The following PCDHA3 variants were observed in gnomAD, a reference collection of about 807,000 sequenced individuals.
PCDHA3 encodes the protein protocadherin alpha 3.
In PCDHA3, 41 loss-of-function variants were observed where a neutral mutation model predicts 62.2. That is an observed-to-expected ratio of 0.66 (90% CI 0.51 to 0.86). The LOEUF (loss-of-function observed/expected upper bound fraction) is 0.86, where lower values mean the gene tolerates loss of function less well. PCDHA3 is among the 40% of genes least tolerant of loss of function. The probability of loss-of-function intolerance (pLI) is 0.00; values close to 1 mark genes in which losing one functional copy is unlikely to be tolerated. For synonymous variants in PCDHA3, 640 were observed against 555.4 expected (o/e 1.15, Z -2.14); for missense variants, 1,304 against 1,241.2 (o/e 1.05, Z -0.76).
chr5:140,958,035 T>G (rs1284725890), intron 1 of PCDHA3, among the ~76,000 whole-genome samples: 2 of 152,120 alleles, frequency 1.3e-5, no homozygotes, highest in African/African-American at 4.8e-5. Context: ...ATGCTTTCTT[T>G]GCTTGTGATA....
intron 1 of PCDHA3, chr5:140,868,276 C>T (rs2050375719): frequency 6.6e-6 from 1 of 151,768 alleles, no homozygotes; most frequent in African/African-American, 2.4e-5. Flanking sequence ...TTTAAAACTA[C>T]CAAGTTTGAG....
At chr5:140,857,733 C>T (rs2044837813) in intron 1 of PCDHA3, 1 of 1,597,494 alleles carries the variant, frequency 6.3e-7, no homozygotes, top group Non-Finnish European at 8.6e-7. Flanking sequence ...GACAACGCTC[C>T]CGCGCTGCTG....
chr5:140,870,080 C>T (rs2051640102), intron 1 of PCDHA3: 1 of 1,613,722 alleles, frequency 6.2e-7, no homozygotes, highest in Non-Finnish European at 8.5e-7. Flanking sequence ...GATAAGGGGA[C>T]TCCCCCAATG....
intron 1 of PCDHA3, chr5:140,882,865 A>G (rs1554175879): frequency 6.2e-7 from 1 of 1,614,248 alleles, no homozygotes; most frequent in Non-Finnish European, 8.5e-7. Context: ...TGAGGAAAAC[A>G]CTGGACAGAG....
At chr5:140,887,125 C>G (rs1391575318) in intron 1 of PCDHA3, among the ~76,000 whole-genome samples, 3 of 150,080 alleles carry the variant, frequency 2.0e-5, no homozygotes. Context: ...GAGACGGAGT[C>G]TCACTCTGTC....
intron 1 of PCDHA3, among the ~76,000 whole-genome samples, chr5:140,935,909 T>C (rs1452831803): frequency 6.6e-6 from 1 of 151,600 alleles, no homozygotes; most frequent in African/African-American, 2.4e-5. Flanking sequence ...TTTTTTTTTT[T>C]TGAGACAGAT....
At chr5:140,968,256 A>G (rs782309414) in intron 1 of PCDHA3, 2 of 1,614,006 alleles carry the variant, frequency 1.2e-6, no homozygotes, top group East Asian at 4.5e-5. Flanking sequence ...ACAGACCCAG[A>G]TGAAAAGGAG....
At chr5:140,851,779 T>A in intron 1 of PCDHA3, 1 of 965,446 alleles carries the variant, frequency 1.0e-6, no homozygotes, top group South Asian at 4.8e-5. Flanking sequence ...TGAATTTAGA[T>A]GAGAATTCAC....
chr5:140,881,127 A>G (rs1274793505), intron 1 of PCDHA3, among the ~76,000 whole-genome samples: 1 of 152,234 alleles, frequency 6.6e-6, no homozygotes, highest in Non-Finnish European at 1.5e-5. Context: ...GTGGCTTGGT[A>G]GAGATAGTTA....
rs546510910 is a variant in PCDHA3, at chr5:140,894,996, C to G, written c.2395-83953C>G. ...GTCTTACTTTGTGACATCCTTTACC[C>G]TTTTTACTTGGACCTTTTTCCTTTG... is the stretch of plus-strand genomic sequence containing the variant. On this transcript the variant is annotated intron_variant, in intron 1 of 3. Transcript: ENST00000522353. Among the ~76,000 whole-genome samples, 5 of 152,204 alleles carry G rather than the reference C, an allele frequency of 3.3e-5. No homozygotes were observed. The East Asian group carries it at 9.6e-4, about 29-fold the overall frequency.
At chr5:140,832,176 A>G (rs1421267980) in intron 1 of PCDHA3, among the ~76,000 whole-genome samples, 1 of 152,234 alleles carries the variant, frequency 6.6e-6, no homozygotes, top group African/African-American at 2.4e-5. Flanking sequence ...AGTTTTATGA[A>G]TTCAAAAGAC....
intron 1 of PCDHA3, chr5:140,882,955 C>G (rs1554176243): frequency 6.2e-7 from 1 of 1,614,178 alleles, no homozygotes; most frequent in Admixed American, 1.7e-5. Context: ...TTCAGCTGCT[C>G]ATCACGATTC....
At position 140,842,945 on chromosome 5, in the gene PCDHA3, G is replaced by T. The variant is rs2150348444; in HGVS notation, c.2394+39354G>T. The T allele has an allele frequency of 7.5e-6, 12 of 1,594,542 alleles. 1 individual carries two copies. In the East Asian group the frequency reaches 1.8e-4, roughly 24 times the overall value. On this transcript the variant is annotated intron_variant, in intron 1 of 3. Transcript: ENST00000522353. ...CCAGGTGAGCGCGCGCGACGCGGGC[G>T]TGCCGCCTCTGGGCAGCAACGTGAC...
At chr5:140,982,628 G>A (rs2096992254) in intron 3 of PCDHA3, 65 bp downstream of exon 3, 1 of 1,578,000 alleles carries the variant, frequency 6.3e-7, no homozygotes, top group African/African-American at 1.4e-5. Flanking sequence ...ACCTACTTTT[G>A]TAAGATCAGG....
intron 1 of PCDHA3, chr5:140,805,485 G>A (rs1009202015): frequency 3.5e-5 from 35 of 993,802 alleles, no homozygotes; most frequent in South Asian, 1.9e-4. Context: ...GAGAGGGAGC[G>A]TAAAGCTATT....
chr5:140,884,396 C>CT, intron 1 of PCDHA3: 1 of 1,614,012 alleles, frequency 6.2e-7, no homozygotes, highest in South Asian at 1.1e-5. Flanking sequence ...GGTGTCCAGC[C>CT]TGTTGGTGCT....
intron 1 of PCDHA3, chr5:140,807,545 G>A: frequency 2.5e-6 from 4 of 1,614,188 alleles, no homozygotes; most frequent in Non-Finnish European, 3.4e-6. Context: ...TTTCCATGTG[G>A]ACGTGGAGGT....
At chr5:140,929,545 A>T in intron 1 of PCDHA3, 1 of 514,856 alleles carries the variant, frequency 1.9e-6, no homozygotes, top group Non-Finnish European at 3.2e-6. Context: ...ACAAGGGCAA[A>T]AATTAAAACC....
chr5:140,906,076 C>T (rs541119722), intron 1 of PCDHA3, among the ~76,000 whole-genome samples: 2 of 152,326 alleles, frequency 1.3e-5, no homozygotes, highest in African/African-American at 4.8e-5. Context: ...AGATCGCACC[C>T]ACCCAGACTG....
Sources: allele counts gnomAD v4.1 joint callset (sites outside exome capture counted in the v4.1 genomes callset), GRCh38; gene constraint gnomAD v4.1.1; transcripts MANE v1.5; gene names NCBI Gene and HGNC (gene_info 2026-07-23, HGNC 2026-07-21).